Variants in RGS12 observed in about 807,000 individuals in gnomAD.
The protein encoded by RGS12 is regulator of G-protein signaling 12.
RGS12 carries 66 observed loss-of-function variants against 120.1 expected under a neutral mutation model. The observed-to-expected ratio is 0.55, with a 90% CI of 0.45 to 0.67. The LOEUF (loss-of-function observed/expected upper bound fraction) is 0.67, where lower values mean the gene tolerates loss of function less well. RGS12 is among the 30% of genes least tolerant of loss of function. RGS12 has a pLI of 0.00. For synonymous variants in RGS12, 827 were observed against 804.7 expected, an observed-to-expected ratio of 1.03 and a Z score of -0.47; for missense variants, 1,859 against 1,957.7, an observed-to-expected ratio of 0.95 and a Z score of 0.95.
intron 11 of RGS12, 46 bp downstream of exon 11, chr4:3,422,616 C>T (rs778712359): frequency 2.5e-5 from 39 of 1,567,726 alleles, no homozygotes; most frequent in Non-Finnish European, 3.1e-5. Flanking sequence ...GCCATGACCT[C>T]CCCGCTCCCT....
intron 1 of RGS12, among the ~76,000 whole-genome samples, chr4:3,310,168 T>A (rs55842981): frequency 2.1e-4 from 1 of 4,848 alleles, no homozygotes; most frequent in South Asian, 6.2e-3. Flanking sequence ...TGAGGGGAAC[T>A]GTGTTGAGGA....
chr4:3,364,505 C>T (rs889638402), intron 3 of RGS12, among the ~76,000 whole-genome samples: 2 of 152,102 alleles, frequency 1.3e-5, no homozygotes, highest in Admixed American at 1.3e-4. Flanking sequence ...AGCTTGCCCT[C>T]TGCTTGGGAG....
chr4:3,370,812 A>C (rs752750055), intron 3 of RGS12, among the ~76,000 whole-genome samples: 5 of 152,238 alleles, frequency 3.3e-5, no homozygotes, highest in African/African-American at 4.8e-5. Flanking sequence ...ATTGGTGATT[A>C]CTATATAAGC....
At chr4:3,315,989 C>A in intron 1 of RGS12, 81 bp from the exon 2 acceptor site, 1 of 519,510 alleles carries the variant, frequency 1.9e-6, no homozygotes, top group East Asian at 3.1e-5. Context: ...TATGAATTAT[C>A]TTTTTGTGTT....
chr4:3,329,300 T>C lies in RGS12; in HGVS notation c.1881+11249T>C, dbSNP rs142486078. ...TGCAAGAGATCTGTTTTCTTTGGTGTGTTTAGAACTTGGAGGGGGACTGCC... is the reference window on the plus strand; with the variant it reads ...TGCAAGAGATCTGTTTTCTTTGGTGCGTTTAGAACTTGGAGGGGGACTGCC... On this transcript the variant is annotated intron_variant, in intron 2 of 17. Transcript: ENST00000336727. Among the ~76,000 whole-genome samples the C allele has an allele frequency of 7.8e-3, 1,195 of 152,252 alleles. 8 individuals are homozygous for C. Among genetic ancestry groups the C allele is most frequent in the Middle Eastern group, 0.017 (5 of 294 alleles).
rs770789322 is a variant in RGS12, at chr4:3,374,106, G to A, written c.1999-12310G>A. 3.9e-5 allele frequency among the ~76,000 whole-genome samples: 6 copies of A among 152,314 alleles called. No individual in the cohort carries two copies. The highest frequency in any genetic ancestry group is 5.9e-5 in the Non-Finnish European group (4 of 68,026). ...AGCACCTTCTCCTACCATGTCCCAC[G>A]CGGCTCTGTGAACGCAGGCATCCCT... On this transcript the variant is annotated intron_variant, in intron 3 of 17. Transcript: ENST00000336727. The surrounding 1 kb of genome is among the most constrained non-coding windows in gnomAD (Gnocchi z 6.3).
chr4:3,305,915 T>G (rs1723947797), intron 1 of RGS12, among the ~76,000 whole-genome samples: 1 of 152,228 alleles, frequency 6.6e-6, no homozygotes, highest in African/African-American at 2.4e-5. Flanking sequence ...GATTTCCGGG[T>G]CCAGCACCCA....
At chr4:3,333,928 T>C (rs1016754114) in intron 2 of RGS12, among the ~76,000 whole-genome samples, 3 of 152,244 alleles carry the variant, frequency 2.0e-5, no homozygotes, top group East Asian at 1.9e-4. Context: ...AGTATCTCTC[T>C]TCTCTCTCAT....
chr4:3,367,602 C>T (rs1578840437), intron 3 of RGS12, among the ~76,000 whole-genome samples: 1 of 152,256 alleles, frequency 6.6e-6, no homozygotes, highest in Admixed American at 6.5e-5. Context: ...GCTCCTGGAC[C>T]TCTGACCATG....
intron 17 of RGS12, among the ~76,000 whole-genome samples, chr4:3,434,723 G>A (rs1311668217): frequency 1.3e-5 from 2 of 152,208 alleles, no homozygotes; most frequent in African/African-American, 2.4e-5. Context: ...CCTTCTGTAC[G>A]CGCCATCTTA....
intron 9 of RGS12, 159 bp from the exon 10 acceptor site, chr4:3,420,483 C>T (rs1722886281): frequency 5.7e-6 from 4 of 703,204 alleles, no homozygotes; most frequent in South Asian, 4.6e-5. Context: ...ACATGTGACT[C>T]GTCTCCACCA....
At chr4:3,342,811 A>T in intron 2 of RGS12, 126 bp from the exon 3 acceptor site, 1 of 769,898 alleles carries the variant, frequency 1.3e-6, no homozygotes, top group Non-Finnish European at 2.2e-6. Context: ...GATGACTTTT[A>T]AATCTCTCTT....
intron 4 of RGS12, among the ~76,000 whole-genome samples, chr4:3,396,172 G>A (rs1195485965): frequency 6.6e-6 from 1 of 152,046 alleles, no homozygotes; most frequent in African/African-American, 2.4e-5. Context: ...GGGTGCGGAG[G>A]GCTGGCTGTA....
chr4:3,291,968 G>A (rs1723046602), upstream of RGS12, among the ~76,000 whole-genome samples: 1 of 152,228 alleles, frequency 6.6e-6, no homozygotes, highest in Non-Finnish European at 1.5e-5. Flanking sequence ...ATGATGGAGA[G>A]CTGCCAAGAA....
Position 3,316,384 on chromosome 4 carries a change from G to C in RGS12, c.214G>C (p.Val72Leu). 1 of 1,613,892 alleles carries C rather than the reference G, an allele frequency of 6.2e-7. No homozygotes were observed. ...DQILAVNEIN[V>L]KKASHEDVVK... Reference sequence around the variant, plus strand: ...GATACTTGCTGTCAATGAAATCAACGTGAAAAAAGCATCTCATGAAGATGT... The same window carrying C: ...GATACTTGCTGTCAATGAAATCAACCTGAAAAAAGCATCTCATGAAGATGT... The change falls in exon 2 of 18, where the codon GTG becomes CTG. Residue 72 changes from valine (V) to leucine (L), a missense_variant. This residue lies in a region of RGS12 where 967 missense variants were observed against 994.2 expected (regional missense o/e 0.97). Coordinates refer to ENST00000336727, the MANE Select transcript of RGS12 (RefSeq NM_001394154.1).
At chr4:3,438,808 A>G (rs1258453864) in intron 17 of RGS12, among the ~76,000 whole-genome samples, 1 of 151,866 alleles carries the variant, frequency 6.6e-6, no homozygotes, top group Non-Finnish European at 1.5e-5. Flanking sequence ...GTGGGGCAAG[A>G]GTCACTGACC....
intron 2 of RGS12, among the ~76,000 whole-genome samples, chr4:3,326,887 T>C (rs1467233113): frequency 6.6e-6 from 1 of 152,228 alleles, no homozygotes; most frequent in African/African-American, 2.4e-5. Context: ...CCATACTGTC[T>C]GAAGCAATCT....
chr4:3,304,586 A>G (rs867447446), intron 1 of RGS12, among the ~76,000 whole-genome samples: 2 of 152,166 alleles, frequency 1.3e-5, no homozygotes, highest in Non-Finnish European at 2.9e-5. Flanking sequence ...CTCATTTGTA[A>G]AACGGGATAA....
chr4:3,305,189 A>G (rs1213227600), intron 1 of RGS12, among the ~76,000 whole-genome samples: 1 of 152,202 alleles, frequency 6.6e-6, no homozygotes, highest in Non-Finnish European at 1.5e-5. Flanking sequence ...GACGAAAGCC[A>G]TGGTCTTTTG....
Sources: gnomAD v4.1 joint callset for allele counts (sites outside exome capture counted in the v4.1 genomes callset) on GRCh38, gnomAD v4.1.1 for gene constraint, gnomAD v4.1.1 regional missense constraint, Gnocchi (gnomAD v3.1) non-coding constraint, MANE v1.5 for transcripts, NCBI Gene and HGNC (gene_info 2026-07-23, HGNC 2026-07-21) for gene names.